XKR6: variants seen among roughly 807,000 people sequenced by gnomAD.
XKR6 encodes the protein XK related 6, also known as XK-related protein 6.
Under a neutral mutation model 56.7 loss-of-function variants are expected in XKR6, and 22 were observed. The ratio of observed to expected loss-of-function variants is 0.39; its 90% CI spans 0.28 to 0.55. The LOEUF is 0.55. Among genes scored for constraint, XKR6 ranks in the 20% least tolerant of loss-of-function variants. XKR6 has a pLI of 0.66. For synonymous variants in XKR6, 524 were observed against 387.8 expected (o/e 1.35, Z -4.13); for missense variants, 852 against 889.0 (o/e 0.96, Z 0.53).
chr8:10,911,259 G>A (rs1800353434), intron 2 of XKR6, among the ~76,000 whole-genome samples: 2 of 146,628 alleles, frequency 1.4e-5, no homozygotes, highest in South Asian at 2.2e-4. Context: ...GAGAGAGACA[G>A]AATATGTATA....
At chr8:11,008,515 G>T (rs991964559) in intron 1 of XKR6, among the ~76,000 whole-genome samples, 1 of 148,704 alleles carries the variant, frequency 6.7e-6, no homozygotes, top group African/African-American at 2.5e-5. Flanking sequence ...GCAACTCCTG[G>T]GCTTAAGCCA....
intron 2 of XKR6, among the ~76,000 whole-genome samples, chr8:10,905,948 G>A (rs2129108387): frequency 6.6e-6 from 1 of 152,294 alleles, no homozygotes; most frequent in African/African-American, 2.4e-5. Context: ...AGGGAGTGAT[G>A]TGACAAAGGT....
At chr8:11,033,607 A>G (rs971766115) in intron 1 of XKR6, among the ~76,000 whole-genome samples, 1 of 152,152 alleles carries the variant, frequency 6.6e-6, no homozygotes, top group Non-Finnish European at 1.5e-5. Flanking sequence ...TGCCCCACTC[A>G]TTATGGGCAC....
intron 1 of XKR6, among the ~76,000 whole-genome samples, chr8:11,022,391 C>T (rs56011306): frequency 0.14 from 21,738 of 152,026 alleles, 1,762 homozygotes; most frequent in Middle Eastern, 0.19. Flanking sequence ...CTGCAGCGAC[C>T]CAAAACTCTC....
At chr8:10,942,789 C>A (rs1034361804) in intron 1 of XKR6, among the ~76,000 whole-genome samples, 2 of 152,224 alleles carry the variant, frequency 1.3e-5, no homozygotes, top group Admixed American at 6.5e-5. Flanking sequence ...GCTACAACCC[C>A]TTCCCTTATC....
intron 1 of XKR6, among the ~76,000 whole-genome samples, chr8:11,173,404 T>C (rs1454256297): frequency 6.7e-6 from 1 of 150,314 alleles, no homozygotes; most frequent in African/African-American, 2.4e-5. Flanking sequence ...TATACATATA[T>C]ATATACATAT....
At chr8:11,053,299 G>A (rs1046651736) in intron 1 of XKR6, among the ~76,000 whole-genome samples, 1 of 152,196 alleles carries the variant, frequency 6.6e-6, no homozygotes, top group African/African-American at 2.4e-5. Flanking sequence ...TAAAGTCTCT[G>A]CATTAAGCAA....
intron 2 of XKR6, among the ~76,000 whole-genome samples, chr8:10,908,609 C>T (rs1419092092): frequency 6.6e-6 from 1 of 152,186 alleles, no homozygotes; most frequent in Non-Finnish European, 1.5e-5. Flanking sequence ...ATGTCACCTT[C>T]TCACCAAGAC....
At chr8:10,999,964 C>T (rs946649769) in intron 1 of XKR6, among the ~76,000 whole-genome samples, 9 of 152,316 alleles carry the variant, frequency 5.9e-5, no homozygotes, top group Non-Finnish European at 8.8e-5. Context: ...TTTGATTTCA[C>T]GGTCTCCATA....
At chr8:11,116,100 C>G (rs1799159644) in intron 1 of XKR6, among the ~76,000 whole-genome samples, 1 of 152,166 alleles carries the variant, frequency 6.6e-6, no homozygotes, top group Non-Finnish European at 1.5e-5. Flanking sequence ...TAAGATGATT[C>G]TTAAGTTTTA....
intron 1 of XKR6, among the ~76,000 whole-genome samples, chr8:11,047,854 C>G (rs1456740755): frequency 1.3e-5 from 2 of 152,150 alleles, no homozygotes; most frequent in East Asian, 3.8e-4. Flanking sequence ...CTACATGATC[C>G]CAGGAACAGG....
At chr8:11,170,149 G>A (rs558676435) in intron 1 of XKR6, among the ~76,000 whole-genome samples, 1 of 152,216 alleles carries the variant, frequency 6.6e-6, no homozygotes, top group East Asian at 1.9e-4. Flanking sequence ...TCCTCAAAAA[G>A]TTAAACACAG....
chr8:11,154,506 C>A (rs1801415206), intron 1 of XKR6, among the ~76,000 whole-genome samples: 1 of 152,162 alleles, frequency 6.6e-6, no homozygotes, highest in Non-Finnish European at 1.5e-5. Flanking sequence ...TAAACCATAA[C>A]AATAAGTGTA....
At chr8:11,003,187 C>T (rs1370160638) in intron 1 of XKR6, among the ~76,000 whole-genome samples, 1 of 152,152 alleles carries the variant, frequency 6.6e-6, no homozygotes, top group Non-Finnish European at 1.5e-5. Flanking sequence ...CTATGTCAGA[C>T]ACCAAGGAGG....
In XKR6 at chr8:11,198,853, T is replaced by A. The variant is rs1374477122; in HGVS notation, c.764+1723A>T. Among the ~76,000 whole-genome samples the A allele has an allele frequency of 2.0e-5, 3 of 152,102 alleles. No homozygotes were observed. In the South Asian group the frequency reaches 6.2e-4, roughly 32 times the overall value. ...ATGTTAAAATCTCTCTTCCCCATAC[T>A]TTTTGTCCCTCCCCTGCTTCATTCC... On this transcript the variant is annotated intron_variant, in intron 1 of 2. Coordinates refer to ENST00000416569, the MANE Select transcript of XKR6 (RefSeq NM_173683.4).
At chr8:11,101,700 C>A (rs1798491132) in intron 1 of XKR6, among the ~76,000 whole-genome samples, 2 of 152,202 alleles carry the variant, frequency 1.3e-5, no homozygotes, top group Non-Finnish European at 2.9e-5. Context: ...TCCTGTGCAA[C>A]TCTCACTCCT....
chr8:10,986,182 G>A (rs1797860188), intron 1 of XKR6, among the ~76,000 whole-genome samples: 1 of 152,196 alleles, frequency 6.6e-6, no homozygotes, highest in African/African-American at 2.4e-5. Context: ...AATCAGAGGA[G>A]TAGATTATTT....
chr8:11,128,901 T>C (rs867899083), intron 1 of XKR6: 27 of 456,716 alleles, frequency 5.9e-5, no homozygotes, highest in Admixed American at 5.4e-4. Flanking sequence ...CACTGCTAAC[T>C]GATTTCCTTT....
chr8:11,148,929 G>A (rs545785252), intron 1 of XKR6, among the ~76,000 whole-genome samples: 29 of 152,328 alleles, frequency 1.9e-4, no homozygotes, highest in African/African-American at 6.5e-4. Context: ...AGAAGACAGT[G>A]TGTAATTCCA....
Sources: allele counts gnomAD v4.1 joint callset (sites outside exome capture counted in the v4.1 genomes callset), GRCh38; gene constraint gnomAD v4.1.1; transcripts MANE v1.5; gene names NCBI Gene and HGNC (gene_info 2026-07-23, HGNC 2026-07-21).